The following FOXN3 variants were observed in gnomAD, a reference collection of about 807,000 sequenced individuals.
The protein encoded by FOXN3 is forkhead box N3, also known as forkhead box protein N3.
In FOXN3, 7 loss-of-function variants were observed where a neutral mutation model predicts 38.4. The ratio of observed to expected loss-of-function variants is 0.18; its 90% CI spans 0.10 to 0.34. The LOEUF is 0.34. Among genes scored for constraint, FOXN3 ranks in the 10% least tolerant of loss-of-function variants. FOXN3 has a pLI of 1.00. For synonymous variants in FOXN3, 230 were observed against 242.2 expected, an observed-to-expected ratio of 0.95 and a Z score of 0.47; for missense variants, 456 against 613.4, an observed-to-expected ratio of 0.74 and a Z score of 2.71.
At chr14:89,516,219 A>G (rs1894199013) in intron 1 of FOXN3, among the ~76,000 whole-genome samples, 1 of 152,206 alleles carries the variant, frequency 6.6e-6, no homozygotes. Context: ...ATCTGTGAAG[A>G]TAAATGCTTC....
rs373417434 is a variant in FOXN3 at position 89,293,145 on chromosome 14, CT to C, written c.681-12132del. Among the ~76,000 whole-genome samples the C allele has an allele frequency of 8.1e-4, 123 of 152,334 alleles. 2 individuals are homozygous for C. The East Asian group carries it at 0.019, about 23-fold the overall frequency. On this transcript the variant is annotated intron_variant, in intron 3 of 5. Transcript: ENST00000557258. ...GCCACTTCCCCACTGCCAGCTGATTCTGTTTCCAGATGCTGGAGGGTATCTC... is the reference window on the plus strand; with the variant it reads ...GCCACTTCCCCACTGCCAGCTGATTCGTTTCCAGATGCTGGAGGGTATCTC...
intron 1 of FOXN3, among the ~76,000 whole-genome samples, chr14:89,547,553 T>C (rs1894912160): frequency 6.6e-6 from 1 of 152,120 alleles, no homozygotes; most frequent in Non-Finnish European, 1.5e-5. Flanking sequence ...AATTGTTGAT[T>C]TCCACTAGAA....
At chr14:89,297,843 G>A (rs553439627) in intron 3 of FOXN3, among the ~76,000 whole-genome samples, 1 of 152,184 alleles carries the variant, frequency 6.6e-6, no homozygotes, top group East Asian at 1.9e-4. Flanking sequence ...TAAGTCACCG[G>A]GTGTGGTGGC....
At chr14:89,406,325 C>T (rs1358008370) in intron 2 of FOXN3, among the ~76,000 whole-genome samples, 6 of 151,996 alleles carry the variant, frequency 3.9e-5, no homozygotes, top group Non-Finnish European at 4.4e-5. Flanking sequence ...GAGGCTGAGT[C>T]AGGAGGATCA....
intron 4 of FOXN3, among the ~76,000 whole-genome samples, chr14:89,271,541 T>A (rs1043448317): frequency 3.3e-5 from 5 of 152,136 alleles, no homozygotes; most frequent in African/African-American, 1.2e-4. Context: ...TGTATCTGCA[T>A]CTGTCTATCT....
chr14:89,569,395 GC>G (rs1895444212), intron 1 of FOXN3, among the ~76,000 whole-genome samples: 1 of 152,156 alleles, frequency 6.6e-6, no homozygotes, highest in South Asian at 2.1e-4. Context: ...TAAGATTTCA[GC>G]CCAGCTCTGC....
At chr14:89,516,173 T>G (rs1472025773) in intron 1 of FOXN3, among the ~76,000 whole-genome samples, 2 of 152,232 alleles carry the variant, frequency 1.3e-5, no homozygotes, top group African/African-American at 4.8e-5. Flanking sequence ...AAAGGCATTT[T>G]ATTTGTGCGC....
At chr14:89,319,332 TG>T (rs1441774012) in intron 3 of FOXN3, among the ~76,000 whole-genome samples, 1 of 152,012 alleles carries the variant, frequency 6.6e-6, no homozygotes, top group African/African-American at 2.4e-5. Context: ...AAAAGGTGCA[TG>T]GGGGTGAAGT....
rs1270261785 is a variant in FOXN3, at chr14:89,177,031, G to C, written c.851+3670C>G. Among the ~76,000 whole-genome samples the C allele has an allele frequency of 5.5e-5, 3 of 54,842 alleles. No individual in the cohort carries two copies. In the East Asian group the frequency reaches 1.6e-3, roughly 30 times the overall value. 36.0% of individuals were successfully genotyped at this position (54,842 alleles called of 152,430 possible). On this transcript the variant is annotated intron_variant, in intron 5 of 5. Coordinates refer to ENST00000557258, the MANE Select transcript of FOXN3 (RefSeq NM_005197.4). The stretch of plus-strand genomic sequence containing the variant: ...TTTCTTTTTTTTTTTTTTTTTTTTT[G>C]ACAGAGTCTTGCCCTGTTGCCCAGG...
intron 1 of FOXN3, among the ~76,000 whole-genome samples, chr14:89,593,501 C>T (rs1895999297): frequency 6.6e-6 from 1 of 152,162 alleles, no homozygotes; most frequent in African/African-American, 2.4e-5. Flanking sequence ...TCATTGGTCT[C>T]ACTGATGAAT....
intron 4 of FOXN3, among the ~76,000 whole-genome samples, chr14:89,269,528 G>A (rs1196977471): frequency 6.7e-6 from 1 of 149,950 alleles, no homozygotes; most frequent in Non-Finnish European, 1.5e-5. Flanking sequence ...CCTTGCCACT[G>A]AATGCTGGAA....
At chr14:89,330,964 G>A (rs986523293) in intron 3 of FOXN3, among the ~76,000 whole-genome samples, 4 of 152,216 alleles carry the variant, frequency 2.6e-5, no homozygotes, top group African/African-American at 9.6e-5. Flanking sequence ...GTGAAATGAG[G>A]TCTGTCTACA....
At chr14:89,480,549 G>A (rs117338128) in intron 1 of FOXN3, among the ~76,000 whole-genome samples, 5,938 of 150,948 alleles carry the variant, frequency 0.039, 177 homozygotes, top group Non-Finnish European at 0.058. Flanking sequence ...TTTCCTTTCC[G>A]GAGTCTCTCA....
chr14:89,330,407 T>A (rs977864964), intron 3 of FOXN3, among the ~76,000 whole-genome samples: 1 of 152,194 alleles, frequency 6.6e-6, no homozygotes, highest in African/African-American at 2.4e-5. Context: ...CCTGACCTCA[T>A]TTCTGGCTCA....
chr14:89,279,930 C>T (rs925806521), intron 4 of FOXN3, among the ~76,000 whole-genome samples: 4 of 152,188 alleles, frequency 2.6e-5, no homozygotes, highest in Non-Finnish European at 5.9e-5. Context: ...CCATACTTAT[C>T]TCCTACTCCT....
chr14:89,206,547 G>A (rs918362557), intron 4 of FOXN3, among the ~76,000 whole-genome samples: 10 of 152,348 alleles, frequency 6.6e-5, no homozygotes, highest in Admixed American at 6.5e-4. Flanking sequence ...CAGTGGGGCG[G>A]CAGCAAGGAC....
intron 4 of FOXN3, among the ~76,000 whole-genome samples, chr14:89,219,199 CA>C (rs1341984924): frequency 6.6e-6 from 1 of 152,066 alleles, no homozygotes; most frequent in African/African-American, 2.4e-5. Context: ...TGGATGTCCC[CA>C]TCTCGTGACA....
At chr14:89,540,196 G>C (rs147026554) in intron 1 of FOXN3, among the ~76,000 whole-genome samples, 1 of 152,134 alleles carries the variant, frequency 6.6e-6, no homozygotes, top group African/African-American at 2.4e-5. Flanking sequence ...TAGGATTGTG[G>C]ACATTTCTGA....
chr14:89,584,054 T>C (rs938963532), intron 1 of FOXN3, among the ~76,000 whole-genome samples: 7 of 149,688 alleles, frequency 4.7e-5, no homozygotes, highest in African/African-American at 1.7e-4. Flanking sequence ...GAGATGGGGT[T>C]TCACCATGTT....
Sources: gnomAD v4.1 joint callset for allele counts (sites outside exome capture counted in the v4.1 genomes callset) on GRCh38, gnomAD v4.1.1 for gene constraint, MANE v1.5 for transcripts, NCBI Gene and HGNC (gene_info 2026-07-23, HGNC 2026-07-21) for gene names.